PRKCQ: variants seen among roughly 807,000 people sequenced by gnomAD.
PRKCQ encodes the protein protein kinase C theta, also known as protein kinase C theta type.
PRKCQ carries 41 observed loss-of-function variants against 91.2 expected under a neutral mutation model. The ratio of observed to expected loss-of-function variants is 0.45; its 90% confidence interval spans 0.35 to 0.58. The LOEUF is 0.58. Ranked by LOEUF, PRKCQ falls within the 20% of genes least tolerant of loss-of-function variation. PRKCQ has a pLI of 0.00. For missense variants in PRKCQ, 673 were observed against 896.5 expected (o/e 0.75, Z 3.18); for synonymous variants, 307 against 316.9 (o/e 0.97, Z 0.33).
chr10:6,566,486 C>T (rs1840840786), intron 1 of PRKCQ, among the ~76,000 whole-genome samples: 1 of 152,134 alleles, frequency 6.6e-6, no homozygotes, highest in South Asian at 2.1e-4. Context: ...ATGCACTCAA[C>T]CTTGTCTCCC....
chr10:6,435,089 T>C (rs1003726955), intron 16 of PRKCQ, among the ~76,000 whole-genome samples: 3 of 152,144 alleles, frequency 2.0e-5, no homozygotes, highest in Non-Finnish European at 4.4e-5. Flanking sequence ...TAATTTTTTG[T>C]ACTTTTAGTA....
At chr10:6,502,062 T>C (rs1281298361) in intron 4 of PRKCQ, among the ~76,000 whole-genome samples, 1 of 152,192 alleles carries the variant, frequency 6.6e-6, no homozygotes, top group Admixed American at 6.5e-5. Flanking sequence ...GTGTACTTCC[T>C]GCATGCCTCA....
chr10:6,484,287 G>A (rs545138692), intron 10 of PRKCQ, among the ~76,000 whole-genome samples: 9 of 152,222 alleles, frequency 5.9e-5, no homozygotes, highest in Middle Eastern at 3.4e-3. Context: ...GGTTGTGTGC[G>A]CAAGTAGTCC....
intron 12 of PRKCQ, among the ~76,000 whole-genome samples, chr10:6,475,363 A>G (rs548848015): frequency 6.6e-6 from 1 of 152,336 alleles, no homozygotes; most frequent in Admixed American, 6.5e-5. Flanking sequence ...GAACTTCGGA[A>G]TCCAAGTCCA....
At chr10:6,563,981 C>G (rs1314235986) in intron 1 of PRKCQ, among the ~76,000 whole-genome samples, 1 of 152,066 alleles carries the variant, frequency 6.6e-6, no homozygotes, top group East Asian at 1.9e-4. Context: ...CAGGGGTTAG[C>G]AAAGTAACGA....
At chr10:6,500,734 A>T (rs1054626164) in intron 4 of PRKCQ, among the ~76,000 whole-genome samples, 1 of 152,074 alleles carries the variant, frequency 6.6e-6, no homozygotes, top group Admixed American at 6.6e-5. Flanking sequence ...AATGGATTCT[A>T]ATCTATTTAT....
intron 13 of PRKCQ, among the ~76,000 whole-genome samples, chr10:6,463,361 G>A (rs1268688794): frequency 1.3e-5 from 2 of 152,174 alleles, no homozygotes; most frequent in African/African-American, 4.8e-5. Context: ...AGGCATTTAG[G>A]ACAGGATGGA....
chr10:6,482,959 C>T (rs575802398), intron 11 of PRKCQ, among the ~76,000 whole-genome samples: 2 of 152,196 alleles, frequency 1.3e-5, no homozygotes, highest in African/African-American at 2.4e-5. Context: ...TACAATTCAA[C>T]GTGAGATTTG....
intron 16 of PRKCQ, among the ~76,000 whole-genome samples, chr10:6,431,297 TACAC>T (rs1198207086): frequency 6.6e-6 from 1 of 152,002 alleles, no homozygotes; most frequent in Non-Finnish European, 1.5e-5. Flanking sequence ...AAGACAGCAA[TACAC>T]ACACAAACAC....
At chr10:6,564,226 G>A (rs1840748038) in intron 1 of PRKCQ, among the ~76,000 whole-genome samples, 1 of 152,144 alleles carries the variant, frequency 6.6e-6, no homozygotes, top group Non-Finnish European at 1.5e-5. Flanking sequence ...TTTCGTTTCA[G>A]CAAGATCCTC....
chr10:6,407,675 G>A, the PRKCQ span, among the ~76,000 whole-genome samples: 1 of 151,636 alleles, frequency 6.6e-6, no homozygotes, highest in Non-Finnish European at 1.5e-5. The surrounding 1 kb of genome is among the most constrained non-coding windows in gnomAD (Gnocchi z 4.0). Flanking sequence ...TGTGTGGTAT[G>A]TGCATGTGAC....
At chr10:6,531,822 T>C (rs1389429705) in intron 1 of PRKCQ, among the ~76,000 whole-genome samples, 1 of 152,218 alleles carries the variant, frequency 6.6e-6, no homozygotes, top group Admixed American at 6.5e-5. Context: ...TTTTGTTTTT[T>C]TCATTTTGAA....
At chr10:6,483,646 G>A in intron 10 of PRKCQ, 46 bp from the exon 11 acceptor site, 1 of 1,599,128 alleles carries the variant, frequency 6.3e-7, no homozygotes, top group Non-Finnish European at 8.5e-7. Context: ...GAGTAATGGA[G>A]GTCATTCTAG....
chr10:6,476,932 G>C (rs941735708), intron 12 of PRKCQ, among the ~76,000 whole-genome samples: 2 of 152,140 alleles, frequency 1.3e-5, no homozygotes, highest in African/African-American at 2.4e-5. Context: ...TTGCCTGCAG[G>C]TGACATACCT....
chr10:6,403,477 G>A, the PRKCQ span, among the ~76,000 whole-genome samples: 1 of 152,150 alleles, frequency 6.6e-6, no homozygotes, highest in Admixed American at 6.5e-5. Context: ...TATCTCTGGG[G>A]CATATCCAGT....
the PRKCQ span, among the ~76,000 whole-genome samples, chr10:6,401,592 T>A: frequency 1.3e-5 from 2 of 152,052 alleles, no homozygotes; most frequent in Admixed American, 6.6e-5. Flanking sequence ...GCCACCCTTT[T>A]ACTGATTACA....
chr10:6,491,915 A>C, intron 7 of PRKCQ, 103 bp from the exon 8 acceptor site: 1 of 1,474,950 alleles, frequency 6.8e-7, no homozygotes, highest in South Asian at 1.2e-5. Flanking sequence ...TAATGAAAAC[A>C]CTGGCATTGT....
At chr10:6,533,862 C>G (rs1346920196) in intron 1 of PRKCQ, among the ~76,000 whole-genome samples, 1 of 152,106 alleles carries the variant, frequency 6.6e-6, no homozygotes, top group Non-Finnish European at 1.5e-5. Flanking sequence ...TAAATTCAGA[C>G]AGATTGAAGA....
intron 1 of PRKCQ, among the ~76,000 whole-genome samples, chr10:6,560,481 A>T (rs113536648): frequency 3.3e-5 from 5 of 152,200 alleles, no homozygotes; most frequent in Non-Finnish European, 7.3e-5. Context: ...GAGGCAGCGC[A>T]TCATGGAACC....
Sources: gnomAD v4.1 joint callset for allele counts (sites outside exome capture counted in the v4.1 genomes callset) on GRCh38, gnomAD v4.1.1 for gene constraint, Gnocchi (gnomAD v3.1) non-coding constraint, MANE v1.5 for transcripts, NCBI Gene and HGNC (gene_info 2026-07-23, HGNC 2026-07-21) for gene names.